The following ZNF57 variants were observed in gnomAD, a reference collection of about 807,000 sequenced individuals.
ZNF57 encodes the protein zinc finger protein 424.
Under a neutral mutation model 13.4 loss-of-function variants are expected in ZNF57, and 11 were observed. The ratio of observed to expected loss-of-function variants is 0.82; its 90% confidence interval spans 0.52 to 1.36. The LOEUF (loss-of-function observed/expected upper bound fraction) is 1.36. Among genes scored for constraint, ZNF57 ranks in the 40% most tolerant of loss-of-function variants. ZNF57 has a pLI of 0.00. For missense variants in ZNF57, 696 were observed against 667.5 expected (o/e 1.04, Z -0.47); for synonymous variants, 224 against 238.5 (o/e 0.94, Z 0.56).
intron 1 of ZNF57, among the ~76,000 whole-genome samples, chr19:2,902,998 C>T (rs1039601756): frequency 1.1e-4 from 16 of 152,130 alleles, no homozygotes; most frequent in African/African-American, 3.6e-4. Context: ...CACTGGAGGC[C>T]GCTGAGGGTG....
intron 1 of ZNF57, among the ~76,000 whole-genome samples, chr19:2,911,299 G>A (rs529818275): frequency 6.6e-5 from 10 of 152,138 alleles, no homozygotes; most frequent in African/African-American, 2.2e-4. Flanking sequence ...GGGAGGCCGA[G>A]GTGGGTGGAT....
chr19:2,909,279 T>TTTTA (rs2088109124), intron 1 of ZNF57, among the ~76,000 whole-genome samples: 1 of 121,074 alleles, frequency 8.3e-6, no homozygotes, highest in Non-Finnish European at 1.8e-5. Context: ...TTATTTATTT[T>TTTTA]TGTTTTTTTT....
intron 1 of ZNF57, among the ~76,000 whole-genome samples, chr19:2,902,326 TCTC>T (rs1194741373): frequency 6.6e-6 from 1 of 152,072 alleles, no homozygotes; most frequent in East Asian, 1.9e-4. Context: ...ACTGTACTGT[TCTC>T]CTGTTTGGCT....
At chr19:2,907,070 T>C (rs1005334616) in intron 1 of ZNF57, 1 of 152,382 alleles carries the variant, frequency 6.6e-6, no homozygotes, top group East Asian at 1.9e-4. Context: ...TGGAATCCTG[T>C]CGTCATTGCA....
Position 2,915,559 on chromosome 19 carries a change from C to A in ZNF57, c.41C>A (p.Thr14Asn), listed in dbSNP as rs1025238714. Residue 14 changes from threonine (T) to asparagine (N), a missense_variant, in exon 2 of 4, where the codon ACC (threonine) becomes AAC (asparagine). Physicochemically the swap from Thr to Asn is moderately conservative, Grantham distance 65 (BLOSUM62 0). Coordinates refer to ENST00000306908, the MANE Select transcript of ZNF57 (RefSeq NM_173480.3). ...TTTGAGGATGTGGCTGTGGACTTCACCCTGGAGGAGTGGGCTTTGCTGGAT... is the reference window on the plus strand; with the variant it reads ...TTTGAGGATGTGGCTGTGGACTTCAACCTGGAGGAGTGGGCTTTGCTGGAT... ...VVFEDVAVDF[T>N]LEEWALLDSA... is the part of the protein sequence containing the mutation. The A allele has an allele frequency of 3.7e-6, 6 of 1,614,052 alleles. No homozygotes were observed. The highest frequency in any genetic ancestry group is 5.1e-6 in the Non-Finnish European group (6 of 1,179,930).
chr19:2,907,897 G>A (rs997217295), intron 1 of ZNF57, among the ~76,000 whole-genome samples: 1 of 152,118 alleles, frequency 6.6e-6, no homozygotes, highest in African/African-American at 2.4e-5. Context: ...TAAAAAAATT[G>A]TAGACTGTGT....
At chr19:2,907,105 G>C (rs1396905039) in intron 1 of ZNF57, 2 of 152,250 alleles carry the variant, frequency 1.3e-5, no homozygotes, top group African/African-American at 4.8e-5. Context: ...TAGAACCTCT[G>C]TTGTCCCACA....
intron 1 of ZNF57, among the ~76,000 whole-genome samples, chr19:2,908,891 G>C (rs2088103131): frequency 8.2e-6 from 1 of 122,692 alleles, no homozygotes; most frequent in Non-Finnish European, 1.7e-5. Context: ...TTGACATTTC[G>C]TATGTTGTTT....
intron 1 of ZNF57, among the ~76,000 whole-genome samples, chr19:2,914,724 G>T (rs1315305755): frequency 6.6e-6 from 1 of 152,188 alleles, no homozygotes; most frequent in Non-Finnish European, 1.5e-5. Context: ...AATGCTGCGT[G>T]TGTAGCTCTA....
intron 1 of ZNF57, among the ~76,000 whole-genome samples, chr19:2,910,953 CTT>C (rs199945882): frequency 0.024 from 3,621 of 151,876 alleles, 80 homozygotes; most frequent in Middle Eastern, 0.1. Flanking sequence ...GTCTTCCACT[CTT>C]TTTCTGCCTT....
chr19:2,915,467 C>T, intron 1 of ZNF57, 55 bp from the exon 2 acceptor site: 1 of 1,590,680 alleles, frequency 6.3e-7, no homozygotes, highest in South Asian at 1.1e-5. Context: ...GAGTCCAGTT[C>T]CCCAGTACTT....
intron 1 of ZNF57, 155 bp from the exon 2 acceptor site, chr19:2,915,367 G>C: frequency 1.0e-6 from 1 of 976,882 alleles, no homozygotes; most frequent in Non-Finnish European, 1.5e-6. Flanking sequence ...AAGTTTACTA[G>C]GAAGTGATTG....
rs1315780432 is a variant in ZNF57 at position 2,916,941 on chromosome 19, GATTCTGTACAC to G, written c.323_333del (p.Phe108Ter). 1.1e-5 allele frequency: 18 copies of G among 1,596,760 alleles called. No individual in the cohort carries two copies. Among genetic ancestry groups the G allele is most frequent in the Non-Finnish European group, 1.5e-5 (17 of 1,171,988 alleles). The stretch of plus-strand genomic sequence containing the variant: ...TTTAACAGAAATCATATGGTGGACA[GATTCTGTACAC>G]ATAATGAAGGTAATCAATATGGAGA... On this transcript the variant is annotated frameshift_variant, in exon 4 of 4. Transcript: ENST00000306908. LOFTEE classifies it low-confidence loss of function (END_TRUNC).
At chr19:2,908,461 G>GTTTTTTTTTTTTTTTTTTTTTTTTTGTT (rs60289248) in intron 1 of ZNF57, among the ~76,000 whole-genome samples, 1 of 122,640 alleles carries the variant, frequency 8.2e-6, no homozygotes, top group Non-Finnish European at 1.6e-5. Flanking sequence ...TATTTTTTTG[G>GTTTTTTTTTTTTTTTTTTTTTTTTTGTT]TTTTTTTTTT....
intron 3 of ZNF57, 54 bp from the exon 4 acceptor site, chr19:2,916,870 C>G: frequency 2.8e-6 from 4 of 1,424,292 alleles, no homozygotes; most frequent in Non-Finnish European, 3.8e-6. Flanking sequence ...TAATACATCT[C>G]AACACATCAT....
intron 1 of ZNF57, among the ~76,000 whole-genome samples, chr19:2,906,724 T>G (rs891588057): frequency 1.3e-5 from 2 of 152,104 alleles, no homozygotes; most frequent in Non-Finnish European, 2.9e-5. Flanking sequence ...ACATCCGTGT[T>G]GTGTGCGCAC....
chr19:2,906,518 T>C (rs2088076474), intron 1 of ZNF57, among the ~76,000 whole-genome samples: 1 of 152,024 alleles, frequency 6.6e-6, no homozygotes, highest in African/African-American at 2.4e-5. Flanking sequence ...CATTGTGGAG[T>C]TGATTGCACA....
At chr19:2,903,591 G>A (rs1311287082) in intron 1 of ZNF57, among the ~76,000 whole-genome samples, 1 of 152,086 alleles carries the variant, frequency 6.6e-6, no homozygotes, top group Non-Finnish European at 1.5e-5. Flanking sequence ...ACACCTGTGT[G>A]CTGCTCCCAG....
intron 1 of ZNF57, among the ~76,000 whole-genome samples, chr19:2,905,908 T>C (rs567424838): frequency 6.6e-6 from 1 of 152,288 alleles, no homozygotes; most frequent in African/African-American, 2.4e-5. Context: ...TGGTTTTGGA[T>C]GTAATGGAAT....
Sources: allele counts gnomAD v4.1 joint callset (sites outside exome capture counted in the v4.1 genomes callset), GRCh38; gene constraint gnomAD v4.1.1; transcripts MANE v1.5; gene names NCBI Gene and HGNC (gene_info 2026-07-23, HGNC 2026-07-21).